Variants in AMBN observed in about 807,000 individuals in gnomAD.
AMBN encodes enamel matrix protein.
Under a neutral mutation model 48.0 loss-of-function variants are expected in AMBN, and 54 were observed. The observed-to-expected ratio is 1.12, with a 90% CI of 0.90 to 1.41. AMBN has a LOEUF of 1.41. AMBN is among the 40% of genes most tolerant of loss of function. The pLI is 0.00. For missense variants in AMBN, 571 were observed against 547.3 expected (o/e 1.04, Z -0.43); for synonymous variants, 186 against 190.0 (o/e 0.98, Z 0.17).
Position 70,606,338 on chromosome 4 carries a change from A to G in AMBN, c.952A>G (p.Asn318Asp), listed in dbSNP as rs745594327. 1.2e-5 allele frequency: 20 copies of G among 1,613,914 alleles called. No homozygotes were observed. The highest frequency in any genetic ancestry group is 1.6e-4 in the Middle Eastern group (1 of 6,084). Residue 318 changes from asparagine to aspartate, a missense_variant, in exon 13 of 13, where the codon AAC becomes GAC. Asn to Asp is a conservative substitution (Grantham distance 23). Transcript: ENST00000322937. ...SPVAATKGPE[N>D]EEGGAQGSPM... ...AGTGGCTGCCACCAAAGGCCCTGAG[A>G]ACGAAGAAGGAGGTGCACAAGGCTC...
Position 70,606,614 on chromosome 4 carries a change from G to C in AMBN, c.1228G>C (p.Glu410Gln). The C allele has an allele frequency of 6.2e-7, 1 of 1,614,112 alleles. No individual in the cohort carries two copies. The highest frequency in any genetic ancestry group is 2.2e-5 in the East Asian group (1 of 44,858). ...CATGACCACATCCGTGGATTTCCAG[G>C]AAGAAGCAACCATGGATACCACGAT... The part of the protein sequence containing the change: ...ADMTTSVDFQ[E>Q]EATMDTTMAP... Residue 410 changes from glutamate to glutamine, a missense_variant, in exon 13 of 13, where the codon GAA (glutamate) becomes CAA (glutamine). Glu to Gln is a conservative substitution (Grantham distance 29, BLOSUM62 2). Coordinates refer to ENST00000322937, the MANE Select transcript of AMBN (RefSeq NM_016519.6).
Position 70,606,341 on chromosome 4 carries a change from G to A in AMBN, c.955G>A (p.Glu319Lys), listed in dbSNP as rs144905737. The A allele has an allele frequency of 2.3e-5, 37 of 1,614,034 alleles. No homozygotes were observed. The East Asian group carries it at 3.3e-4, about 15-fold the overall frequency. ...GGCTGCCACCAAAGGCCCTGAGAAC[G>A]AAGAAGGAGGTGCACAAGGCTCCCC... ...PVAATKGPEN[E>K]EGGAQGSPMP... Residue 319 changes from glutamate (E) to lysine (K), a missense_variant, in exon 13 of 13, where the codon GAA becomes AAA. Glu to Lys is a moderately conservative substitution (Grantham distance 56). Coordinates refer to ENST00000322937, the MANE Select transcript of AMBN (RefSeq NM_016519.6).
At chr4:70,604,020 G>T in intron 12 of AMBN, 99 bp downstream of exon 12, 1 of 1,193,458 alleles carries the variant, frequency 8.4e-7, no homozygotes, top group South Asian at 1.3e-5. Context: ...GTAGCCAAAT[G>T]AGCATGGGAC....
intron 5 of AMBN, among the ~76,000 whole-genome samples, chr4:70,601,023 A>G (rs1737508344): frequency 6.6e-6 from 1 of 152,166 alleles, no homozygotes; most frequent in South Asian, 2.1e-4. Flanking sequence ...GCTATAAAGA[A>G]AAACAAAACA....
At chr4:70,603,358 A>C (rs1473873943) in intron 10 of AMBN, 39 bp downstream of exon 10, 2 of 1,612,822 alleles carry the variant, frequency 1.2e-6, no homozygotes, top group Non-Finnish European at 1.7e-6. Context: ...TTTGCAATTT[A>C]CTTAAAAGTT....
rs1270983233 is a variant in AMBN, at chr4:70,606,328, A to C, written c.942A>C (p.Lys314Asn). The change falls in exon 13 of 13, where the codon AAA becomes AAC. Residue 314 changes from lysine (K) to asparagine (N), a missense_variant. By Grantham distance (94) the Lys-to-Asn change is moderately conservative. Transcript: ENST00000322937. ...LEFDSPVAAT[K>N]GPENEEGGAQ... is the part of the protein sequence containing the mutation. The stretch of plus-strand genomic sequence containing the variant: ...TTGACTCCCCAGTGGCTGCCACCAA[A>C]GGCCCTGAGAACGAAGAAGGAGGTG... 3 of 1,614,050 alleles carry C rather than the reference A, an allele frequency of 1.9e-6. No homozygotes were observed. The Admixed American group carries it at 5.0e-5, about 27-fold the overall frequency.
At chr4:70,593,786 A>AC (rs1184155582) in intron 2 of AMBN, among the ~76,000 whole-genome samples, 1 of 151,776 alleles carries the variant, frequency 6.6e-6, no homozygotes, top group Non-Finnish European at 1.5e-5. Context: ...AATTGCTTGA[A>AC]CCTGGGAGGC....
chr4:70,593,303 T>C, intron 1 of AMBN, 24 bp from the exon 2 acceptor site: 1 of 1,563,672 alleles, frequency 6.4e-7, no homozygotes, highest in Non-Finnish European at 8.8e-7. Context: ...TCTGATTTAA[T>C]TCTCCAACTT....
chr4:70,602,894 C>T lies in AMBN; in HGVS notation c.609+58C>T, dbSNP rs34230455. On this transcript the variant is annotated intron_variant, in intron 8 of 12. Coordinates refer to ENST00000322937, the MANE Select transcript of AMBN (RefSeq NM_016519.6). ...TTTTATTTTTATTTTTATTTGTTCACTTTGTCTATCTTTTATTTGCATTTA... is the reference window on the plus strand; with the variant it reads ...TTTTATTTTTATTTTTATTTGTTCATTTTGTCTATCTTTTATTTGCATTTA... The T allele has an allele frequency of 0.2, 304,337 of 1,526,558 alleles. 34,162 individuals are homozygous for T. Among genetic ancestry groups the T allele is most frequent in the Non-Finnish European group, 0.23 (262,454 of 1,123,460 alleles). The allele number at this position is 1,526,558 out of a possible 1,614,324, so 94.6% of individuals were successfully genotyped here. A position where few individuals can be genotyped will look rare whatever the true frequency, so the allele number is the denominator to read the frequency against.
chr4:70,595,983 C>A (rs949591962), intron 2 of AMBN, among the ~76,000 whole-genome samples: 2 of 151,964 alleles, frequency 1.3e-5, no homozygotes, highest in African/African-American at 2.4e-5. Flanking sequence ...TAGTGAGACC[C>A]CCATCTCTAT....
At chr4:70,598,335 C>A in intron 3 of AMBN, 21 bp from the exon 4 acceptor site, 2 of 1,551,254 alleles carry the variant, frequency 1.3e-6, no homozygotes, top group South Asian at 1.3e-5. Flanking sequence ...TAAACAGTAA[C>A]CCACTTTTTT....
At chr4:70,604,524 G>A (rs1253401854) in intron 12 of AMBN, among the ~76,000 whole-genome samples, 1 of 152,098 alleles carries the variant, frequency 6.6e-6, no homozygotes, top group Non-Finnish European at 1.5e-5. Flanking sequence ...TAGAGCACAA[G>A]GCAAGACAAA....
Position 70,599,767 on chromosome 4 carries a change from C to T in AMBN, c.294+121C>T, listed in dbSNP as rs186527935. 23 of 603,222 alleles carry T rather than the reference C, an allele frequency of 3.8e-5. No individual in the cohort carries two copies. In the East Asian group the frequency reaches 4.5e-4, roughly 12 times the overall value. The allele number at this position is 603,222 out of a possible 1,614,324, so 37.4% of individuals were successfully genotyped here. ...CCTAGCATTAACAAAAAATTATTCT[C>T]GTGCCAAATAAATCGAAGCCTATAA... is the stretch of plus-strand genomic sequence containing the variant. On this transcript the variant is annotated intron_variant, in intron 5 of 12. Transcript: ENST00000322937.
chr4:70,603,099 A>C (rs955466525), intron 9 of AMBN, 89 bp downstream of exon 9: 64 of 1,446,174 alleles, frequency 4.4e-5, no homozygotes, highest in Non-Finnish European at 5.9e-5. Context: ...TGTCCCATTT[A>C]TCCATGAATA....
chr4:70,604,041 C>A, intron 12 of AMBN, 120 bp downstream of exon 12: 1 of 904,064 alleles, frequency 1.1e-6, no homozygotes, highest in Non-Finnish European at 1.7e-6. Flanking sequence ...TCAGATTTTT[C>A]CACTCCAAAA....
At chr4:70,603,805 C>T (rs1353857499) in intron 11 of AMBN, 72 bp from the exon 12 acceptor site, 2 of 1,528,674 alleles carry the variant, frequency 1.3e-6, no homozygotes, top group Non-Finnish European at 9.1e-7. Flanking sequence ...AACTAAATAA[C>T]TTTTAACTTT....
At chr4:70,600,721 C>T (rs759581697) in intron 5 of AMBN, among the ~76,000 whole-genome samples, 5 of 152,078 alleles carry the variant, frequency 3.3e-5, no homozygotes, top group Admixed American at 6.6e-5. Flanking sequence ...GTGATTTTAA[C>T]GGGGAATTTT....
At chr4:70,605,952 T>C (rs1023140841) in intron 12 of AMBN, among the ~76,000 whole-genome samples, 2 of 151,906 alleles carry the variant, frequency 1.3e-5, no homozygotes, top group Non-Finnish European at 2.9e-5. Context: ...TGCCCTGTTA[T>C]CTCCCTTTTA....
chr4:70,601,981 T>C (rs900409341), intron 6 of AMBN: 2 of 486,698 alleles, frequency 4.1e-6, no homozygotes, highest in African/African-American at 3.9e-5. Context: ...TGGTCTTTTT[T>C]GGTATTGGAA....
Sources: allele counts gnomAD v4.1 joint callset (sites outside exome capture counted in the v4.1 genomes callset), GRCh38; gene constraint gnomAD v4.1.1; transcripts MANE v1.5; gene names NCBI Gene and HGNC (gene_info 2026-07-23, HGNC 2026-07-21).